CADM2: variants seen among roughly 807,000 people sequenced by gnomAD.
CADM2 encodes immunoglobulin superfamily member 4D.
A neutral mutation model predicts 49.8 loss-of-function variants in CADM2; 12 were observed. The ratio of observed to expected loss-of-function variants is 0.24; its 90% confidence interval spans 0.15 to 0.39. The LOEUF (loss-of-function observed/expected upper bound fraction) is 0.39, where lower values mean the gene tolerates loss of function less well. CADM2 is among the 10% of genes least tolerant of loss of function. CADM2 has a pLI of 1.00. For missense variants in CADM2, 378 were observed against 492.3 expected (o/e 0.77, Z 2.20); for synonymous variants, 214 against 175.4 (o/e 1.22, Z -1.74).
chr3:85,605,859 T>G (rs2063524525), intron 1 of CADM2, among the ~76,000 whole-genome samples: 1 of 152,104 alleles, frequency 6.6e-6, no homozygotes, highest in African/African-American at 2.4e-5. Context: ...TAACATGTGT[T>G]AATTAGGAAA....
intron 1 of CADM2, among the ~76,000 whole-genome samples, chr3:85,417,239 G>A (rs1334020116): frequency 3.3e-5 from 5 of 151,858 alleles, no homozygotes; most frequent in Non-Finnish European, 7.4e-5. Flanking sequence ...AGACAAAACC[G>A]ATTTGGAAAT....
intron 1 of CADM2, among the ~76,000 whole-genome samples, chr3:85,368,800 A>G (rs975740537): frequency 2.0e-5 from 3 of 152,022 alleles, no homozygotes; most frequent in African/African-American, 7.2e-5. Context: ...GAATGTCATC[A>G]CTCATTGTTT....
chr3:85,345,333 A>AAAAAAAAAAAAAAAAAAAC (rs2030503843), intron 1 of CADM2, among the ~76,000 whole-genome samples: 1 of 148,064 alleles, frequency 6.8e-6, no homozygotes, highest in African/African-American at 2.5e-5. Flanking sequence ...AAAAAAAAAA[A>AAAAAAAAAAAAAAAAAAAC]AGAAAGAAAG....
intron 1 of CADM2, among the ~76,000 whole-genome samples, chr3:85,324,739 T>C (rs1401073496): frequency 6.6e-6 from 1 of 152,338 alleles, no homozygotes; most frequent in Middle Eastern, 3.4e-3. Context: ...ATATTCCTTG[T>C]GGTTGCATTC....
chr3:85,783,035 A>G (rs148905480), intron 2 of CADM2, among the ~76,000 whole-genome samples: 72 of 152,300 alleles, frequency 4.7e-4, no homozygotes, highest in African/African-American at 1.6e-3. Flanking sequence ...AGGGCCCAAT[A>G]TTAGTACATA....
intron 1 of CADM2, among the ~76,000 whole-genome samples, chr3:85,409,749 G>A (rs2035571080): frequency 6.6e-6 from 1 of 152,062 alleles, no homozygotes; most frequent in South Asian, 2.1e-4. Context: ...AAAATTGAAT[G>A]AAGACGTATT....
At chr3:86,028,227 A>AAAAAAAAAAG (rs1734142078) in intron 8 of CADM2, among the ~76,000 whole-genome samples, 1 of 151,820 alleles carries the variant, frequency 6.6e-6, no homozygotes, top group Non-Finnish European at 1.5e-5. Flanking sequence ...AGAAGTCAAA[A>AAAAAAAAAAG]AAAAAAAAAA....
rs1739511241 is a variant in CADM2, at chr3:86,067,986, A to G, written c.*1203A>G. The stretch of plus-strand genomic sequence containing the variant: ...ACAACCACAGTTGAATAATAACCTA[A>G]AAATAAATTTTAGTTTGCTAAAAAT... On this transcript the variant is annotated 3_prime_UTR_variant, in exon 10 of 10. Coordinates refer to ENST00000383699, the MANE Select transcript of CADM2 (RefSeq NM_001167675.2). The G allele has an allele frequency of 6.6e-6, 1 of 152,472 alleles. No individual in the cohort carries two copies. Among genetic ancestry groups the G allele is most frequent in the Non-Finnish European group, 1.5e-5 (1 of 67,888 alleles). 9.4% of individuals were successfully genotyped at this position (152,472 alleles called of 1,614,324 possible). A position where few individuals can be genotyped will look rare whatever the true frequency, so the allele number is the denominator to read the frequency against.
intron 3 of CADM2, among the ~76,000 whole-genome samples, chr3:85,845,056 A>G (rs886659848): frequency 2.0e-5 from 3 of 151,124 alleles, no homozygotes; most frequent in Non-Finnish European, 4.4e-5. Context: ...TTGGGAGGTT[A>G]ATACAAGGAG....
At chr3:85,861,401 G>A (rs149627585) in intron 3 of CADM2, among the ~76,000 whole-genome samples, 94 of 152,230 alleles carry the variant, frequency 6.2e-4, no homozygotes, top group African/African-American at 2.3e-3. Context: ...ATGACTTTCT[G>A]GTTTATGGCT....
intron 1 of CADM2, among the ~76,000 whole-genome samples, chr3:85,621,003 ATTG>A (rs996780731): frequency 6.6e-6 from 1 of 152,126 alleles, no homozygotes; most frequent in African/African-American, 2.4e-5. Flanking sequence ...GTCCTTTATT[ATTG>A]TTATTTGTTT....
At chr3:85,073,612 C>A (rs865909742) in intron 1 of CADM2, among the ~76,000 whole-genome samples, 1 of 152,014 alleles carries the variant, frequency 6.6e-6, no homozygotes, top group East Asian at 1.9e-4. Flanking sequence ...ATGAAAGACA[C>A]CTGTGGTGGT....
chr3:85,741,335 GA>G (rs56786425), intron 2 of CADM2, among the ~76,000 whole-genome samples: 3 of 149,064 alleles, frequency 2.0e-5, no homozygotes, highest in East Asian at 2.0e-4. Flanking sequence ...CCCCTCAAGA[GA>G]AAAAAAAAAT....
Position 86,064,960 on chromosome 3 carries a change from G to A in CADM2, c.971-645G>A, listed in dbSNP as rs563714242. ...TAACAGTCTCAACCCCTGCTTTCCC[G>A]CCAAAATACATTCTTCCCTTTGATC... On this transcript the variant is annotated intron_variant, in intron 8 of 9. Transcript: ENST00000383699. 3.1e-4 allele frequency among the ~76,000 whole-genome samples: 47 copies of A among 152,152 alleles called. No individual in the cohort carries two copies. The South Asian group carries it at 7.7e-3, about 25-fold the overall frequency.
At chr3:85,780,717 A>T (rs1283920466) in intron 2 of CADM2, among the ~76,000 whole-genome samples, 1 of 152,114 alleles carries the variant, frequency 6.6e-6, no homozygotes, top group African/African-American at 2.4e-5. Context: ...CTGTGAAAAT[A>T]ATCTTAATTT....
intron 1 of CADM2, among the ~76,000 whole-genome samples, chr3:85,587,922 G>T (rs2062989751): frequency 1.3e-5 from 2 of 151,818 alleles, no homozygotes; most frequent in South Asian, 2.1e-4. Flanking sequence ...GTTTTTGGTG[G>T]TTTTTGTTTT....
At chr3:84,967,256 A>C (rs1243773925) in intron 1 of CADM2, among the ~76,000 whole-genome samples, 1 of 152,140 alleles carries the variant, frequency 6.6e-6, no homozygotes, top group Non-Finnish European at 1.5e-5. Flanking sequence ...TGTATTCTAA[A>C]ATGCAGGTGC....
intron 1 of CADM2, among the ~76,000 whole-genome samples, chr3:85,185,036 G>T (rs547049826): frequency 1.3e-5 from 2 of 152,114 alleles, no homozygotes; most frequent in East Asian, 3.9e-4. Context: ...CCCTATAAGA[G>T]AAATGTAACC....
chr3:84,985,094 A>G (rs1033521839), intron 1 of CADM2, among the ~76,000 whole-genome samples: 2 of 152,166 alleles, frequency 1.3e-5, no homozygotes, highest in Non-Finnish European at 2.9e-5. Flanking sequence ...CTGAAGAGTT[A>G]TTGTCCTAAA....
Sources: gnomAD v4.1 joint callset for allele counts (sites outside exome capture counted in the v4.1 genomes callset) on GRCh38, gnomAD v4.1.1 for gene constraint, MANE v1.5 for transcripts, NCBI Gene and HGNC (gene_info 2026-07-23, HGNC 2026-07-21) for gene names.